The following CYB5A variants were observed in gnomAD, a reference collection of about 807,000 sequenced individuals.
CYB5A encodes the protein cytochrome b5.
CYB5A carries 10 observed loss-of-function variants against 16.2 expected under a neutral mutation model. The ratio of observed to expected loss-of-function variants is 0.62; its 90% CI spans 0.38 to 1.04. CYB5A has a LOEUF of 1.04. Ranked by LOEUF, CYB5A falls within the 50% of genes least tolerant of loss-of-function variation. The probability of loss-of-function intolerance (pLI) is 0.01; values close to 1 mark genes in which losing one functional copy is unlikely to be tolerated. For synonymous variants in CYB5A, 62 were observed against 57.0 expected, an observed-to-expected ratio of 1.09 and a Z score of -0.40; for missense variants, 161 against 165.9, an observed-to-expected ratio of 0.97 and a Z score of 0.16.
At chr18:74,269,410 T>A (rs1230933959) in intron 1 of CYB5A, among the ~76,000 whole-genome samples, 1 of 152,164 alleles carries the variant, frequency 6.6e-6, no homozygotes, top group Non-Finnish European at 1.5e-5. Flanking sequence ...CCCTCCTCCA[T>A]CTGCGTTGGC....
intron 1 of CYB5A, among the ~76,000 whole-genome samples, chr18:74,266,548 C>G (rs1400517038): frequency 1.3e-5 from 2 of 152,148 alleles, no homozygotes; most frequent in South Asian, 4.1e-4. Context: ...GAATTCTGAT[C>G]TTTACAGTGC....
At position 74,261,858 on chromosome 18, in the gene CYB5A, A is replaced by G. The variant is rs181629256; in HGVS notation, c.259-914T>C. On this transcript the variant is annotated intron_variant, in intron 2 of 4. Coordinates refer to ENST00000340533, the MANE Select transcript of CYB5A (RefSeq NM_148923.4). Reference sequence around the variant, plus strand: ...TTAGAATGAGGCTATTTGCCTCTCCATTTTTTTCTTACGAGAGCAGAGCGG... The same window carrying G: ...TTAGAATGAGGCTATTTGCCTCTCCGTTTTTTTCTTACGAGAGCAGAGCGG... 6.6e-4 allele frequency among the ~76,000 whole-genome samples: 101 copies of G among 152,096 alleles called. 1 individual carries two copies. The highest frequency in any genetic ancestry group is 5.9e-4 in the Admixed American group (9 of 15,282).
At chr18:74,275,786 C>A (rs182191269) in intron 1 of CYB5A, among the ~76,000 whole-genome samples, 24 of 152,218 alleles carry the variant, frequency 1.6e-4, no homozygotes, top group Admixed American at 9.8e-4. Context: ...TAAAAAATAA[C>A]CTCAGCCCCT....
At position 74,253,640 on chromosome 18, in the gene CYB5A, C is replaced by A. The variant is rs1449390674; in HGVS notation, c.349G>T (p.Ala117Ser). The A allele has an allele frequency of 3.1e-6, 5 of 1,613,120 alleles. No homozygotes were observed. The highest frequency in any genetic ancestry group is 4.2e-6 in the Non-Finnish European group (5 of 1,179,382). ...SSWWTNWVIPAISAVAVALMY... is the reference protein window; with the variant it reads ...SSWWTNWVIPSISAVAVALMY... ...AAGGCGACGGCCACTGCAGAGATGG[C>A]AGGGATCACCCAGTTGGTCCACCAA... Residue 117 changes from alanine (A) to serine (S), a missense_variant, in exon 5 of 5, where the codon GCC (alanine) becomes TCC (serine). Coordinates refer to ENST00000340533, the MANE Select transcript of CYB5A (RefSeq NM_148923.4).
At chr18:74,254,020 T>C (rs7244614) in intron 4 of CYB5A, among the ~76,000 whole-genome samples, 8,173 of 152,002 alleles carry the variant, frequency 0.054, 521 homozygotes, top group East Asian at 0.19. Flanking sequence ...TACCAAAAAA[T>C]ACAAAAAGTA....
chr18:74,258,211 TGTGAGCCG>T, intron 3 of CYB5A: 1 of 152,314 alleles, frequency 6.6e-6, no homozygotes, highest in South Asian at 2.1e-4. Context: ...GGAGCACGTC[TGTGAGCCG>T]GGTGCTTAAC....
intron 1 of CYB5A, among the ~76,000 whole-genome samples, chr18:74,284,879 G>A (rs533664457): frequency 3.3e-5 from 5 of 152,224 alleles, no homozygotes; most frequent in South Asian, 4.1e-4. Flanking sequence ...CCACAGAGCC[G>A]TCAGCTCTAA....
intron 1 of CYB5A, among the ~76,000 whole-genome samples, chr18:74,284,252 A>AAAAAG (rs1555690735): frequency 1.3e-4 from 19 of 147,434 alleles, no homozygotes; most frequent in Admixed American, 5.0e-4. Flanking sequence ...AAAAAAAAAA[A>AAAAAG]AGAGAGATTA....
intron 3 of CYB5A, 125 bp from the exon 4 acceptor site, chr18:74,255,900 A>C (rs1981959150): frequency 1.3e-6 from 1 of 749,820 alleles, no homozygotes; most frequent in Admixed American, 2.1e-5. Context: ...AAGATGTCGA[A>C]AGGGAAAATT....
intron 2 of CYB5A, among the ~76,000 whole-genome samples, chr18:74,263,039 C>T (rs1158298766): frequency 1.3e-5 from 2 of 151,620 alleles, no homozygotes; most frequent in Non-Finnish European, 2.9e-5. Context: ...GTCCCAGCTA[C>T]CAAGAGGCTG....
chr18:74,282,485 G>A (rs1013351882), intron 1 of CYB5A, among the ~76,000 whole-genome samples: 9 of 152,258 alleles, frequency 5.9e-5, no homozygotes, highest in South Asian at 4.2e-4. Flanking sequence ...TTCCATCCCC[G>A]GAAGAGTGAC....
chr18:74,254,723 T>C (rs945201873), intron 4 of CYB5A, among the ~76,000 whole-genome samples: 2 of 151,928 alleles, frequency 1.3e-5, no homozygotes, highest in African/African-American at 2.4e-5. Flanking sequence ...GGTTTCACTG[T>C]GTTAGCCAGG....
chr18:74,253,123 T>C lies in CYB5A; in HGVS notation c.*461A>G, dbSNP rs2145032225. ...AACTATATCGGAAGCATACAATACA[T>C]GGTTACTCAATGAGATGTGACGATG... On this transcript the variant is annotated 3_prime_UTR_variant, in exon 5 of 5. Transcript: ENST00000340533. 1 of 197,006 alleles carries C rather than the reference T, an allele frequency of 5.1e-6. No homozygotes were observed. 12.2% of individuals were successfully genotyped at this position (197,006 alleles called of 1,614,324 possible). A position where few individuals can be genotyped will look rare whatever the true frequency, so the allele number is the denominator to read the frequency against.
intron 1 of CYB5A, among the ~76,000 whole-genome samples, chr18:74,275,025 T>C (rs1982812935): frequency 6.6e-6 from 1 of 152,192 alleles, no homozygotes; most frequent in Non-Finnish European, 1.5e-5. Context: ...AAGTACTGTT[T>C]TGACCATTTC....
chr18:74,267,398 C>A (rs1982485217), intron 1 of CYB5A, among the ~76,000 whole-genome samples: 1 of 152,194 alleles, frequency 6.6e-6, no homozygotes, highest in South Asian at 2.1e-4. Flanking sequence ...CTCAGGTAAT[C>A]CACCTGCCTC....
At chr18:74,271,829 T>C (rs1034242035) in intron 1 of CYB5A, among the ~76,000 whole-genome samples, 2 of 152,218 alleles carry the variant, frequency 1.3e-5, no homozygotes, top group African/African-American at 4.8e-5. Flanking sequence ...TACTGTCAAC[T>C]GACTCATGCA....
rs148511140 is a variant in CYB5A, at chr18:74,283,813, C to T, written c.129+7934G>A. 3.3e-3 allele frequency among the ~76,000 whole-genome samples: 501 copies of T among 152,302 alleles called. 4 individuals are homozygous for T. The highest frequency in any genetic ancestry group is 0.029 in the South Asian group (142 of 4,816). On this transcript the variant is annotated intron_variant, in intron 1 of 4. Transcript: ENST00000340533. ...GCAGCGCCCGCAGCCTGGACTGAAG[C>T]CCTGGCTTTGCTCCTTATCGTCTGT...
intron 1 of CYB5A, among the ~76,000 whole-genome samples, chr18:74,283,792 C>T (rs1398259756): frequency 3.3e-5 from 5 of 152,202 alleles, no homozygotes; most frequent in Admixed American, 2.0e-4. Context: ...TGGGTCGCAG[C>T]GCCCGCAGCC....
At chr18:74,262,135 G>A (rs982233726) in intron 2 of CYB5A, among the ~76,000 whole-genome samples, 10 of 152,172 alleles carry the variant, frequency 6.6e-5, no homozygotes, top group Admixed American at 2.0e-4. Flanking sequence ...GTCTAAAACC[G>A]TAACACAGCA....
Sources: gnomAD v4.1 joint callset for allele counts (sites outside exome capture counted in the v4.1 genomes callset) on GRCh38, gnomAD v4.1.1 for gene constraint, MANE v1.5 for transcripts, NCBI Gene and HGNC (gene_info 2026-07-23, HGNC 2026-07-21) for gene names.